Variants in NUDCD1 observed in about 807,000 individuals in gnomAD.
NUDCD1 encodes nudC domain-containing protein 1.
Under a neutral mutation model 67.8 loss-of-function variants are expected in NUDCD1, and 60 were observed. The ratio of observed to expected loss-of-function variants is 0.88; its 90% CI spans 0.72 to 1.10. NUDCD1 has a LOEUF of 1.10. Ranked by LOEUF, NUDCD1 falls within the 50% of genes least tolerant of loss-of-function variation. The probability of loss-of-function intolerance (pLI) is 0.00; values close to 1 mark genes in which losing one functional copy is unlikely to be tolerated. For synonymous variants in NUDCD1, 244 were observed against 230.8 expected (o/e 1.06, Z -0.52); for missense variants, 643 against 695.0 (o/e 0.93, Z 0.84).
At chr8:109,305,567 G>A (rs1361483441) in intron 2 of NUDCD1, among the ~76,000 whole-genome samples, 5 of 152,106 alleles carry the variant, frequency 3.3e-5, no homozygotes, top group Non-Finnish European at 5.9e-5. Context: ...GCCTGTCCTC[G>A]AGATACTACA....
At chr8:109,273,922 A>T (rs146718440) in intron 7 of NUDCD1, among the ~76,000 whole-genome samples, 4,956 of 152,260 alleles carry the variant, frequency 0.033, 104 homozygotes, top group Middle Eastern at 0.11. Context: ...AAAATCCCCA[A>T]GAAAATATGA....
chr8:109,288,579 T>C (rs1814626823), intron 5 of NUDCD1, among the ~76,000 whole-genome samples: 1 of 152,220 alleles, frequency 6.6e-6, no homozygotes, highest in African/African-American at 2.4e-5. Context: ...CAGAGGTGCA[T>C]ATATTTATAA....
intron 7 of NUDCD1, among the ~76,000 whole-genome samples, chr8:109,274,384 C>A (rs1341948968): frequency 6.6e-6 from 1 of 152,116 alleles, no homozygotes; most frequent in Non-Finnish European, 1.5e-5. Flanking sequence ...CAATTATCTA[C>A]AATCTCAAAA....
intron 8 of NUDCD1, among the ~76,000 whole-genome samples, chr8:109,257,838 T>C (rs1813773669): frequency 6.6e-6 from 1 of 152,098 alleles, no homozygotes; most frequent in African/African-American, 2.4e-5. Context: ...TATAAATACA[T>C]GTCTATGACT....
chr8:109,289,856 C>T lies in NUDCD1; in HGVS notation c.718G>A (p.Asp240Asn), dbSNP rs979457086. The T allele has an allele frequency of 6.4e-7, 1 of 1,561,430 alleles. No individual in the cohort carries two copies. The highest frequency in any genetic ancestry group is 1.7e-4 in the Middle Eastern group (1 of 5,948). Residue 240 changes from aspartate (D) to asparagine (N), a missense_variant, in exon 5 of 10, where the codon GAT becomes AAT. Transcript: ENST00000239690. ...SVPHYAAIEP[D>N]GNGLMIVSYK... ...GATACAATCATTAGACCATTTCCAT[C>T]AGGCTCAATAGCAGCATAATGTGGC... is the stretch of plus-strand genomic sequence containing the variant.
At chr8:109,319,618 TA>T (rs1380175039) in intron 2 of NUDCD1, among the ~76,000 whole-genome samples, 3 of 152,174 alleles carry the variant, frequency 2.0e-5, no homozygotes, top group African/African-American at 7.2e-5. Context: ...TCCAGGTAGT[TA>T]ATCAATGAGA....
Position 109,289,830 on chromosome 8 carries a change from G to C in NUDCD1, c.744C>G (p.Ser248=). 6.4e-7 allele frequency: 1 copy of C among 1,564,100 alleles called. No individual in the cohort carries two copies. The highest frequency in any genetic ancestry group is 8.7e-7 in the Non-Finnish European group (1 of 1,147,776). Residue 248 remains serine (S), a synonymous_variant, in exon 5 of 10, where the codon TCC becomes TCG. Transcript: ENST00000239690. ...EPDGNGLMIV[S]YKSLTFVQAG... ...CCTGAACAAATGTTAAAGACTTGTA[G>C]GATACAATCATTAGACCATTTCCAT... is the stretch of plus-strand genomic sequence containing the variant.
chr8:109,270,143 CA>C (rs1184882678), intron 8 of NUDCD1, among the ~76,000 whole-genome samples: 2 of 132,762 alleles, frequency 1.5e-5, no homozygotes, highest in African/African-American at 5.8e-5. Flanking sequence ...AAAGGAAAAA[CA>C]AATTCCAGAT....
chr8:109,273,325 A>T (rs907073280), intron 7 of NUDCD1, among the ~76,000 whole-genome samples: 8 of 152,120 alleles, frequency 5.3e-5, no homozygotes, highest in Non-Finnish European at 1.0e-4. Context: ...CATGGAATAA[A>T]TCAGCCATGT....
intron 2 of NUDCD1, among the ~76,000 whole-genome samples, chr8:109,302,668 G>A (rs1046603608): frequency 8.5e-5 from 13 of 152,148 alleles, no homozygotes; most frequent in African/African-American, 3.1e-4. Flanking sequence ...GCATAGCCAA[G>A]GTTAATGCTC....
rs1176047909 is a variant in NUDCD1 at position 109,304,156 on chromosome 8, T to C, written c.274-7587A>G. ...CCTAACTCATCCCAACCTTTTTCATTACACACAGCTGAAGTGCAGGGGTGT... is the reference window on the plus strand; with the variant it reads ...CCTAACTCATCCCAACCTTTTTCATCACACACAGCTGAAGTGCAGGGGTGT... On this transcript the variant is annotated intron_variant, in intron 2 of 9. Transcript: ENST00000239690. Among the ~76,000 whole-genome samples, 5 of 152,108 alleles carry C rather than the reference T, an allele frequency of 3.3e-5. No homozygotes were observed. The East Asian group carries it at 9.6e-4, about 29-fold the overall frequency.
At chr8:109,316,150 TA>T in intron 2 of NUDCD1, 1 of 152,274 alleles carries the variant, frequency 6.6e-6, no homozygotes, top group South Asian at 2.1e-4. Flanking sequence ...AAATAAGCCA[TA>T]ATATATAAAA....
At chr8:109,316,001 C>T (rs569897523) in intron 2 of NUDCD1, 1 of 152,116 alleles carries the variant, frequency 6.6e-6, no homozygotes, top group Non-Finnish European at 1.5e-5. Context: ...GCCCCTTAGA[C>T]CTTTAAGTAC....
At chr8:109,317,658 T>C (rs148584190) in intron 2 of NUDCD1, among the ~76,000 whole-genome samples, 102 of 152,338 alleles carry the variant, frequency 6.7e-4, no homozygotes, top group African/African-American at 2.4e-3. Context: ...ACATTATGAT[T>C]TATTCTTATC....
chr8:109,242,146 G>A lies in NUDCD1; in HGVS notation c.*863C>T, dbSNP rs1813381233. ...TCAGCTTGTGTAGTCCCCTCATTCT[G>A]ACTCTAGACTTGGCCATGTGATTTG... On this transcript the variant is annotated 3_prime_UTR_variant, in exon 10 of 10. Coordinates refer to ENST00000239690, the MANE Select transcript of NUDCD1 (RefSeq NM_032869.4). 2.5e-6 allele frequency: 1 copy of A among 397,918 alleles called. No individual in the cohort carries two copies. The highest frequency in any genetic ancestry group is 1.3e-4 in the South Asian group (1 of 7,854). The allele number at this position is 397,918 out of a possible 1,614,324, so 24.6% of individuals were successfully genotyped here.
chr8:109,311,559 G>GTGTGTGTATGTATGTA, intron 2 of NUDCD1, among the ~76,000 whole-genome samples: 1 of 125,120 alleles, frequency 8.0e-6, no homozygotes, highest in African/African-American at 3.5e-5. Flanking sequence ...AAACTGTGGT[G>GTGTGTGTATGTATGTA]TATATATATA....
Position 109,275,310 on chromosome 8 carries a change from T to C in NUDCD1, c.1173+42A>G, listed in dbSNP as rs745462371. On this transcript the variant is annotated intron_variant, in intron 7 of 9. Coordinates refer to ENST00000239690, the MANE Select transcript of NUDCD1 (RefSeq NM_032869.4). ...TGGCATAATCTTCACATAACATATT[T>C]TTGGACCCTTGGAAAGTCACACTAC... The C allele has an allele frequency of 1.6e-5, 25 of 1,581,192 alleles. No homozygotes were observed. In the South Asian group the frequency reaches 2.7e-4, roughly 17 times the overall value.
chr8:109,297,329 G>A lies in NUDCD1; in HGVS notation c.274-760C>T, dbSNP rs568191156. ...AGGTTTTTGTTAACAAATTTTAATT[G>A]GTCTATGTACTTATAATGTAAAGTT... On this transcript the variant is annotated intron_variant, in intron 2 of 9. Coordinates refer to ENST00000239690, the MANE Select transcript of NUDCD1 (RefSeq NM_032869.4). 7.2e-5 allele frequency among the ~76,000 whole-genome samples: 11 copies of A among 152,184 alleles called. 1 individual carries two copies. The South Asian group carries it at 2.1e-3, about 29-fold the overall frequency.
intron 1 of NUDCD1, chr8:109,329,900 G>C: frequency 6.5e-7 from 1 of 1,539,268 alleles, no homozygotes; most frequent in Non-Finnish European, 8.8e-7. Context: ...AAACATACTG[G>C]ATGCTACGAA....
Sources: gnomAD v4.1 joint callset for allele counts (sites outside exome capture counted in the v4.1 genomes callset) on GRCh38, gnomAD v4.1.1 for gene constraint, MANE v1.5 for transcripts, NCBI Gene and HGNC (gene_info 2026-07-23, HGNC 2026-07-21) for gene names.